PAK1: variants seen among roughly 807,000 people sequenced by gnomAD.
The protein encoded by PAK1 is serine/threonine-protein kinase PAK 1.
In PAK1, 29 loss-of-function variants were observed where a neutral mutation model predicts 67.4. The observed-to-expected ratio is 0.43, with a 90% CI of 0.32 to 0.59. The LOEUF (loss-of-function observed/expected upper bound fraction) is 0.59, where lower values mean the gene tolerates loss of function less well. Ranked by LOEUF, PAK1 falls within the 20% of genes least tolerant of loss-of-function variation. The pLI, the probability that PAK1 is intolerant of heterozygous loss-of-function variation, is 0.07. For missense variants in PAK1, 337 were observed against 670.7 expected (o/e 0.50, Z 5.50); for synonymous variants, 223 against 237.4 (o/e 0.94, Z 0.56).
chr11:77,410,579 C>G (rs965660174), intron 1 of PAK1, among the ~76,000 whole-genome samples: 3 of 150,656 alleles, frequency 2.0e-5, no homozygotes, highest in African/African-American at 7.3e-5. Flanking sequence ...AAAGCCTAAT[C>G]AAGAGGGGGA....
Position 77,374,344 on chromosome 11 carries a change from T to G in PAK1, c.461A>C (p.Asn154Thr), listed in dbSNP as rs138404683. 2 of 1,594,488 alleles carry G rather than the reference T, an allele frequency of 1.3e-6. No homozygotes were observed. Among genetic ancestry groups the G allele is most frequent in the South Asian group, 2.2e-5 (2 of 90,660 alleles). ...AAGACTTACCAAGGCATTAGAAGAATTGTAATCCTCAGCTGACTTATCTGC... is the reference window on the plus strand; with the variant it reads ...AAGACTTACCAAGGCATTAGAAGAAGTGTAATCCTCAGCTGACTTATCTGC... ...SFTDKSAEDY[N>T]SSNALNVKAV... Residue 154 changes from asparagine (N) to threonine (T), a missense_variant, in exon 5 of 15, where the codon AAT becomes ACT. By Grantham distance (65) the Asn-to-Thr change is moderately conservative. Coordinates refer to ENST00000356341, the MANE Select transcript of PAK1 (RefSeq NM_002576.5).
At chr11:77,525,910 A>G in the PAK1 span, among the ~76,000 whole-genome samples, 22 of 152,322 alleles carry the variant, frequency 1.4e-4, no homozygotes, top group Non-Finnish European at 2.8e-4. Context: ...CAGGGAATCA[A>G]AGTGGCACTT....
intron 13 of PAK1, among the ~76,000 whole-genome samples, chr11:77,333,835 C>T (rs1419226625): frequency 6.6e-6 from 1 of 152,100 alleles, no homozygotes; most frequent in Non-Finnish European, 1.5e-5. Flanking sequence ...TTATCATCTT[C>T]ACTTCACAGA....
intron 8 of PAK1, 176 bp downstream of exon 8, chr11:77,353,360 T>C: frequency 1.8e-6 from 1 of 557,818 alleles, no homozygotes; most frequent in Non-Finnish European, 3.2e-6. Context: ...TCTCTCATAT[T>C]AAGCATAATT....
chr11:77,436,697 A>G (rs138946922), intron 1 of PAK1, among the ~76,000 whole-genome samples: 39 of 152,368 alleles, frequency 2.6e-4, no homozygotes, highest in African/African-American at 9.1e-4. Context: ...AGCCAGTGCC[A>G]ATCAGGAAGT....
intron 2 of PAK1, among the ~76,000 whole-genome samples, chr11:77,392,007 A>G (rs1408446742): frequency 6.6e-6 from 1 of 152,220 alleles, no homozygotes; most frequent in Non-Finnish European, 1.5e-5. Context: ...AAAATTCCAA[A>G]TAAAGACATT....
intron 1 of PAK1, among the ~76,000 whole-genome samples, chr11:77,412,360 TC>T (rs541900455): frequency 5.9e-5 from 9 of 152,176 alleles, no homozygotes; most frequent in Middle Eastern, 3.4e-3. Flanking sequence ...ATTCTAATGC[TC>T]CAGGAAGAAT....
At chr11:77,520,973 G>A in the PAK1 span, among the ~76,000 whole-genome samples, 41,580 of 152,096 alleles carry the variant, frequency 0.27, 6,781 homozygotes, top group East Asian at 0.35. Flanking sequence ...GGAAGGCCAA[G>A]GGAGTGGGAG....
At chr11:77,492,114 T>G in the PAK1 span, among the ~76,000 whole-genome samples, 2 of 152,206 alleles carry the variant, frequency 1.3e-5, no homozygotes, top group African/African-American at 4.8e-5. Context: ...CTACCCTGTG[T>G]CAGTCTTATA....
chr11:77,398,102 C>A (rs966274342), intron 1 of PAK1, among the ~76,000 whole-genome samples: 1 of 152,190 alleles, frequency 6.6e-6, no homozygotes, highest in Admixed American at 6.5e-5. Flanking sequence ...AGCATTTATC[C>A]TTTGTGTTAC....
chr11:77,421,233 G>A (rs971639019), intron 1 of PAK1, among the ~76,000 whole-genome samples: 1 of 152,022 alleles, frequency 6.6e-6, no homozygotes, highest in Non-Finnish European at 1.5e-5. Flanking sequence ...GGCTTTCTCC[G>A]ACAGGCTATA....
intron 1 of PAK1, among the ~76,000 whole-genome samples, chr11:77,440,526 T>G (rs1375393532): frequency 1.3e-5 from 2 of 152,100 alleles, no homozygotes; most frequent in African/African-American, 2.4e-5. Flanking sequence ...CTGAGAAAGG[T>G]TAAAAAACTT....
At chr11:77,413,967 G>C (rs1954812757) in intron 1 of PAK1, among the ~76,000 whole-genome samples, 1 of 152,142 alleles carries the variant, frequency 6.6e-6, no homozygotes, top group African/African-American at 2.4e-5. Flanking sequence ...ACCCCATGCA[G>C]CATCCTCTTA....
the PAK1 span, among the ~76,000 whole-genome samples, chr11:77,481,094 T>C: frequency 2.2e-4 from 33 of 152,332 alleles, 1 homozygote; most frequent in African/African-American, 7.7e-4. Flanking sequence ...AGAATGCATA[T>C]TCTCTATTTG....
At chr11:77,508,198 A>C in the PAK1 span, among the ~76,000 whole-genome samples, 2 of 152,190 alleles carry the variant, frequency 1.3e-5, no homozygotes, top group African/African-American at 4.8e-5. Flanking sequence ...TGCATTGCAA[A>C]ACACATGATT....
upstream of PAK1, among the ~76,000 whole-genome samples, chr11:77,478,973 T>G (rs567309107): frequency 2.0e-5 from 3 of 150,580 alleles, no homozygotes; most frequent in Non-Finnish European, 4.4e-5. Context: ...TAGTCCCAGC[T>G]GCTTGGGAGG....
At chr11:77,477,839 C>T (rs765421312), upstream of PAK1, among the ~76,000 whole-genome samples, 30 of 152,194 alleles carry the variant, frequency 2.0e-4, no homozygotes, top group Non-Finnish European at 3.8e-4. Context: ...CAGAAGATCA[C>T]TTAAGCCTAG....
chr11:77,408,544 C>CAA (rs1335217043), intron 1 of PAK1, among the ~76,000 whole-genome samples: 1 of 151,232 alleles, frequency 6.6e-6, no homozygotes, highest in Non-Finnish European at 1.5e-5. Flanking sequence ...CACACACACA[C>CAA]ACACACACAC....
chr11:77,484,160 C>T, the PAK1 span, among the ~76,000 whole-genome samples: 1 of 150,352 alleles, frequency 6.7e-6, no homozygotes, highest in Admixed American at 6.6e-5. Flanking sequence ...AACCATAAGT[C>T]CTATAACATT....
Sources: gnomAD v4.1 joint callset for allele counts (sites outside exome capture counted in the v4.1 genomes callset) on GRCh38, gnomAD v4.1.1 for gene constraint, MANE v1.5 for transcripts, NCBI Gene and HGNC (gene_info 2026-07-23, HGNC 2026-07-21) for gene names.